Variants in YARS1 observed in about 807,000 individuals in gnomAD.
YARS1 encodes tyrosine--tRNA ligase, cytoplasmic.
Under a neutral mutation model 62.2 loss-of-function variants are expected in YARS1, and 36 were observed. The observed-to-expected ratio is 0.58, with a 90% confidence interval of 0.44 to 0.76. The LOEUF (loss-of-function observed/expected upper bound fraction) is 0.76, where lower values mean the gene tolerates loss of function less well. Ranked by LOEUF, YARS1 falls within the 30% of genes least tolerant of loss-of-function variation. The probability of loss-of-function intolerance (pLI) is 0.00; values close to 1 mark genes in which losing one functional copy is unlikely to be tolerated. For missense variants in YARS1, 524 were observed against 639.8 expected, an observed-to-expected ratio of 0.82 and a Z score of 1.95; for synonymous variants, 234 against 244.9, an observed-to-expected ratio of 0.96 and a Z score of 0.42.
chr1:32,776,707 C>G lies in YARS1; in HGVS notation c.1477-616G>C, dbSNP rs866025868. ...GATTGCCGGGCGTGGTGGCTCACACCTATAATCCCAGCATTTCGGGAGGCC... is the reference window on the plus strand; with the variant it reads ...GATTGCCGGGCGTGGTGGCTCACACGTATAATCCCAGCATTTCGGGAGGCC... On this transcript the variant is annotated intron_variant, in intron 12 of 12. Coordinates refer to ENST00000373477, the MANE Select transcript of YARS1 (RefSeq NM_003680.4). The surrounding 1 kb of genome is among the most constrained non-coding windows in gnomAD (Gnocchi z 4.0). 6.6e-6 allele frequency among the ~76,000 whole-genome samples: 1 copy of G among 152,100 alleles called. No individual in the cohort carries two copies. Among genetic ancestry groups the G allele is most frequent in the African/African-American group, 2.4e-5 (1 of 41,446 alleles).
At chr1:32,810,523 G>A (rs1638559851) in intron 3 of YARS1, 68 bp downstream of exon 3, 1 of 1,585,658 alleles carries the variant, frequency 6.3e-7, no homozygotes, top group South Asian at 1.1e-5. Flanking sequence ...AGAATGCCTG[G>A]ACTCCACAGG....
At chr1:32,781,302 C>T (rs1489247192) in intron 9 of YARS1, 157 bp from the exon 10 acceptor site, 3 of 690,518 alleles carry the variant, frequency 4.3e-6, no homozygotes. Context: ...GGGTTGGCAA[C>T]CTTTCAGACA....
At position 32,809,757 on chromosome 1, in the gene YARS1, G is replaced by A. The variant is rs1384448944; in HGVS notation, c.380+834C>T. Among the ~76,000 whole-genome samples, 4 of 152,164 alleles carry A rather than the reference G, an allele frequency of 2.6e-5. No individual in the cohort carries two copies. In the South Asian group the frequency reaches 6.2e-4, roughly 24 times the overall value. On this transcript the variant is annotated intron_variant, in intron 3 of 12. Transcript: ENST00000373477. ...AAAAAGTTGTTCTAAGGGTTTAAATGCAAAAGTGACTAATAGAGCGCTATG... is the reference window on the plus strand; with the variant it reads ...AAAAAGTTGTTCTAAGGGTTTAAATACAAAAGTGACTAATAGAGCGCTATG...
intron 6 of YARS1, among the ~76,000 whole-genome samples, chr1:32,787,799 C>A (rs1206288898): frequency 6.6e-6 from 1 of 152,212 alleles, no homozygotes; most frequent in Non-Finnish European, 1.5e-5. Context: ...CAGGTGTGAG[C>A]CACTGCACCC....
chr1:32,784,938 T>C (rs1653172273), intron 8 of YARS1, among the ~76,000 whole-genome samples: 1 of 152,170 alleles, frequency 6.6e-6, no homozygotes, highest in Non-Finnish European at 1.5e-5. Flanking sequence ...AATAGGAGCC[T>C]CTATTCTGTC....
At position 32,806,981 on chromosome 1, in the gene YARS1, C is replaced by G. The variant is rs138651954; in HGVS notation, c.381-370G>C. ...GTTGGAAAAAAAGAAATCACAGAAG[C>G]TAATCTTGAAACAAACTAGGCATGG... On this transcript the variant is annotated intron_variant, in intron 3 of 12. Transcript: ENST00000373477. Among the ~76,000 whole-genome samples, 3 of 152,294 alleles carry G rather than the reference C, an allele frequency of 2.0e-5. No homozygotes were observed. The East Asian group carries it at 5.8e-4, about 29-fold the overall frequency.
chr1:32,794,388 ATTTAT>A (rs1026807417), intron 5 of YARS1, among the ~76,000 whole-genome samples: 25 of 151,728 alleles, frequency 1.6e-4, no homozygotes, highest in African/African-American at 5.6e-4. Flanking sequence ...AGTCTTTAAG[ATTTAT>A]TTTATTTTAT....
At chr1:32,806,340 C>T in intron 4 of YARS1, 142 bp downstream of exon 4, 4 of 1,317,242 alleles carry the variant, frequency 3.0e-6, no homozygotes, top group South Asian at 2.5e-5. Flanking sequence ...GGTGGACTTG[C>T]TGTACACAGG....
At chr1:32,802,843 C>T (rs1424353153) in intron 4 of YARS1, among the ~76,000 whole-genome samples, 1 of 152,146 alleles carries the variant, frequency 6.6e-6, no homozygotes, top group African/African-American at 2.4e-5. Context: ...GATGGAGTCT[C>T]ACTCTGTTAC....
chr1:32,802,978 A>ATT (rs34189200), intron 4 of YARS1, among the ~76,000 whole-genome samples: 77 of 89,392 alleles, frequency 8.6e-4, no homozygotes, highest in African/African-American at 3.1e-3. Context: ...ACGCCTGGCT[A>ATT]TTTTTTTTTT....
At position 32,786,449 on chromosome 1, in the gene YARS1, T is replaced by C; in HGVS notation, c.821-2A>G. On this transcript the variant is annotated splice_acceptor_variant, in intron 7 of 12. Coordinates refer to ENST00000373477, the MANE Select transcript of YARS1 (RefSeq NM_003680.4). LOFTEE classifies it high-confidence loss of function. ...TCTCATCTCGTAGGATCACAAACTC[T>C]ATAAGGAAAAGGATCCATGTCAACA... 1 of 1,613,360 alleles carries C rather than the reference T, an allele frequency of 6.2e-7. No homozygotes were observed. Among genetic ancestry groups the C allele is most frequent in the Non-Finnish European group, 8.5e-7 (1 of 1,179,568 alleles).
In YARS1 at chr1:32,810,938, A is replaced by T; in HGVS notation, c.177T>A (p.Ile59=). 1 of 1,614,124 alleles carries T rather than the reference A, an allele frequency of 6.2e-7. No homozygotes were observed. The highest frequency in any genetic ancestry group is 8.5e-7 in the Non-Finnish European group (1 of 1,180,020). ...CACACCCTGCCTTTAAGAAGTCTGC[A>T]ATCTTTGACATGGGCACAAAGTAAG... ...HVAYFVPMSK[I]ADFLKAGCEV... The change falls in exon 2 of 13, where the codon ATT becomes ATA. Residue 59 remains isoleucine, a synonymous_variant. Transcript: ENST00000373477.
chr1:32,816,162 T>C (rs1638724623), intron 1 of YARS1, among the ~76,000 whole-genome samples: 1 of 143,576 alleles, frequency 7.0e-6, no homozygotes, highest in African/African-American at 2.6e-5. Flanking sequence ...CTTGTGAACA[T>C]ACTAAAACCC....
chr1:32,796,309 A>G (rs1251556302), intron 5 of YARS1, among the ~76,000 whole-genome samples: 2 of 152,066 alleles, frequency 1.3e-5, no homozygotes, highest in Non-Finnish European at 2.9e-5. Context: ...AAAACAAACA[A>G]AAAACAACAA....
Position 32,776,712 on chromosome 1 carries a change from A to G in YARS1, c.1477-621T>C, listed in dbSNP as rs916618118. On this transcript the variant is annotated intron_variant, in intron 12 of 12. Transcript: ENST00000373477. The surrounding 1 kb of genome is among the most constrained non-coding windows in gnomAD (Gnocchi z 4.0). Reference sequence around the variant, plus strand: ...CCGGGCGTGGTGGCTCACACCTATAATCCCAGCATTTCGGGAGGCCGAGGT... The same window carrying G: ...CCGGGCGTGGTGGCTCACACCTATAGTCCCAGCATTTCGGGAGGCCGAGGT... Among the ~76,000 whole-genome samples the G allele has an allele frequency of 6.6e-6, 1 of 152,098 alleles. No individual in the cohort carries two copies. The highest frequency in any genetic ancestry group is 1.5e-5 in the Non-Finnish European group (1 of 68,032).
chr1:32,786,058 TAAG>T (rs1653216576), intron 8 of YARS1, among the ~76,000 whole-genome samples: 2 of 152,066 alleles, frequency 1.3e-5, no homozygotes, highest in Admixed American at 1.3e-4. Context: ...CATTTACTGA[TAAG>T]AAATGTTTCC....
At chr1:32,780,866 C>G (rs1653031111) in intron 10 of YARS1, among the ~76,000 whole-genome samples, 182 bp downstream of exon 10, 1 of 152,214 alleles carries the variant, frequency 6.6e-6, no homozygotes, top group Non-Finnish European at 1.5e-5. Context: ...TGTTTGGTTG[C>G]ATAATATCCA....
intron 4 of YARS1, among the ~76,000 whole-genome samples, chr1:32,799,195 T>C (rs1339081045): frequency 6.6e-6 from 1 of 152,178 alleles, no homozygotes; most frequent in Non-Finnish European, 1.5e-5. Flanking sequence ...GTGAAGTGTT[T>C]AGGGAAATTT....
At chr1:32,794,698 TAAAATTTATGTCAAAA>T (rs1653516761) in intron 5 of YARS1, among the ~76,000 whole-genome samples, 1 of 151,360 alleles carries the variant, frequency 6.6e-6, no homozygotes. Context: ...CCAAGGGATT[TAAAATTTATGTCAAAA>T]ATGAGTTTTG....
Sources: gnomAD v4.1 joint callset for allele counts (sites outside exome capture counted in the v4.1 genomes callset) on GRCh38, gnomAD v4.1.1 for gene constraint, Gnocchi (gnomAD v3.1) non-coding constraint, MANE v1.5 for transcripts, NCBI Gene and HGNC (gene_info 2026-07-23, HGNC 2026-07-21) for gene names.